Variants in SCAF8 observed in about 807,000 individuals in gnomAD.
SCAF8 encodes SR-related CTD associated factor 8, also known as SR-related and CTD-associated factor 8.
Under a neutral mutation model 140.5 loss-of-function variants are expected in SCAF8, and 23 were observed. The ratio of observed to expected loss-of-function variants is 0.16; its 90% CI spans 0.12 to 0.23. The LOEUF (loss-of-function observed/expected upper bound fraction) is 0.23, where lower values mean the gene tolerates loss of function less well. Among genes scored for constraint, SCAF8 ranks in the 10% least tolerant of loss-of-function variants. SCAF8 has a pLI of 1.00. For synonymous variants in SCAF8, 575 were observed against 528.9 expected (o/e 1.09, Z -1.20); for missense variants, 1,397 against 1,555.7 (o/e 0.90, Z 1.72).
rs116028505 is a variant in SCAF8, at chr6:154,756,939, G to A, written c.31-17050G>A. 2.0e-3 allele frequency among the ~76,000 whole-genome samples: 299 copies of A among 152,226 alleles called. 1 individual carries two copies. The highest frequency in any genetic ancestry group is 6.7e-3 in the African/African-American group (278 of 41,548). On this transcript the variant is annotated intron_variant, in intron 1 of 19. Coordinates refer to ENST00000367178, the MANE Select transcript of SCAF8 (RefSeq NM_014892.5). ...GCTACTCGGGAGGCTGAGGTGGATC[G>A]CTTGAGCCTGGGAGACGGAGGTTGC...
intron 1 of SCAF8, among the ~76,000 whole-genome samples, chr6:154,741,796 A>G (rs1480062793): frequency 6.6e-6 from 1 of 152,224 alleles, no homozygotes; most frequent in African/African-American, 2.4e-5. Context: ...ATCTCTTTCT[A>G]AGGCCAGTTA....
At chr6:154,763,162 C>G (rs1449825359) in intron 1 of SCAF8, among the ~76,000 whole-genome samples, 3 of 152,134 alleles carry the variant, frequency 2.0e-5, no homozygotes, top group Non-Finnish European at 2.9e-5. Flanking sequence ...TTCTCCCCTC[C>G]TCATTCTGCT....
Position 154,832,207 on chromosome 6 carries a change from A to G in SCAF8, c.2628A>G (p.Ile876Met). ...SGLLGVLPPN[I>M]PNNSGLVGVQ... ...TTTTGGGAGTGCTACCCCCAAATATACCTAACAATTCTGGACTTGTAGGAG... is the reference window on the plus strand; with the variant it reads ...TTTTGGGAGTGCTACCCCCAAATATGCCTAACAATTCTGGACTTGTAGGAG... Residue 876 changes from isoleucine (I) to methionine (M), a missense_variant, in exon 20 of 20, where the codon ATA becomes ATG. Transcript: ENST00000367178. The G allele has an allele frequency of 1.2e-6, 2 of 1,614,078 alleles. No individual in the cohort carries two copies. Among genetic ancestry groups the G allele is most frequent in the South Asian group, 2.2e-5 (2 of 91,080 alleles).
In SCAF8 at chr6:154,820,066, A is replaced by G. The variant is rs1778367896; in HGVS notation, c.1636-111A>G. On this transcript the variant is annotated intron_variant, in intron 14 of 19. Coordinates refer to ENST00000367178, the MANE Select transcript of SCAF8 (RefSeq NM_014892.5). ...AGCTTTGCTTTTCCAGCTGTTTTCTAAAACCAATTTTAATGTGTTTACATT... is the reference window on the plus strand; with the variant it reads ...AGCTTTGCTTTTCCAGCTGTTTTCTGAAACCAATTTTAATGTGTTTACATT... 4 of 838,686 alleles carry G rather than the reference A, an allele frequency of 4.8e-6. No individual in the cohort carries two copies. In the African/African-American group the frequency reaches 7.2e-5, roughly 15 times the overall value. 52.0% of individuals were successfully genotyped at this position (838,686 alleles called of 1,614,324 possible).
chr6:154,832,467 A>G lies in SCAF8; in HGVS notation c.2888A>G (p.His963Arg), dbSNP rs201765230. The change falls in exon 20 of 20, where the codon CAT becomes CGT. Residue 963 changes from histidine (H) to arginine (R), a missense_variant. By Grantham distance (29) the His-to-Arg change is conservative. Transcript: ENST00000367178. Reference sequence around the variant, plus strand: ...CCATCGGTACTTGATTCAGCTCTTCATCCACCACCCCGTGGACCTTTTCCT... The same window carrying G: ...CCATCGGTACTTGATTCAGCTCTTCGTCCACCACCCCGTGGACCTTTTCCT... Reference protein sequence around the residue: ...PPPSVLDSALHPPPRGPFPPG... With the variant: ...PPPSVLDSALRPPPRGPFPPG... 2 of 1,614,036 alleles carry G rather than the reference A, an allele frequency of 1.2e-6. No homozygotes were observed. The highest frequency in any genetic ancestry group is 1.7e-6 in the Non-Finnish European group (2 of 1,179,964).
At chr6:154,828,675 A>G (rs972867869) in intron 18 of SCAF8, among the ~76,000 whole-genome samples, 1 of 151,838 alleles carries the variant, frequency 6.6e-6, no homozygotes, top group Non-Finnish European at 1.5e-5. Context: ...AGAATCAGCC[A>G]TTTTTCCAGT....
At chr6:154,815,844 G>A (rs1039674008) in intron 13 of SCAF8, 28 bp downstream of exon 13, 1 of 1,467,028 alleles carries the variant, frequency 6.8e-7, no homozygotes, top group Non-Finnish European at 9.5e-7. Context: ...ATAATTTAAG[G>A]TTTTAAAAAA....
At chr6:154,734,616 A>G (rs1321266858) in intron 1 of SCAF8, among the ~76,000 whole-genome samples, 1 of 152,158 alleles carries the variant, frequency 6.6e-6, no homozygotes, top group Non-Finnish European at 1.5e-5. Context: ...TGGGGGAAAC[A>G]TTTCTCGCTG....
At chr6:154,744,817 T>C (rs1007814160) in intron 1 of SCAF8, among the ~76,000 whole-genome samples, 10 of 152,238 alleles carry the variant, frequency 6.6e-5, no homozygotes, top group Non-Finnish European at 8.8e-5. Flanking sequence ...GTATACTTCA[T>C]CCAGATTTCT....
At chr6:154,785,017 C>A (rs9397747) in intron 3 of SCAF8, among the ~76,000 whole-genome samples, 74,794 of 151,930 alleles carry the variant, frequency 0.49, 19,131 homozygotes, top group East Asian at 0.9. Context: ...TGTGTCACGT[C>A]CTTGCTTGAC....
chr6:154,820,117 A>G (rs541677402), intron 14 of SCAF8, 60 bp from the exon 15 acceptor site: 1 of 1,335,294 alleles, frequency 7.5e-7, no homozygotes, highest in African/African-American at 1.5e-5. Context: ...TGAACTTTTT[A>G]CCTTGTTTTT....
intron 19 of SCAF8, among the ~76,000 whole-genome samples, chr6:154,831,375 T>G (rs1392343736): frequency 6.6e-6 from 1 of 152,090 alleles, no homozygotes; most frequent in African/African-American, 2.4e-5. Flanking sequence ...CACCCCCTTT[T>G]TTTTGTCCTA....
At chr6:154,754,183 T>A (rs1342763670) in intron 1 of SCAF8, among the ~76,000 whole-genome samples, 3 of 152,236 alleles carry the variant, frequency 2.0e-5, no homozygotes, top group Non-Finnish European at 2.9e-5. Flanking sequence ...TTAAATGCAG[T>A]TTATTTAGCT....
Position 154,824,292 on chromosome 6 carries a change from C to T in SCAF8, c.1985C>T (p.Ser662Leu), listed in dbSNP as rs777977910. 3.7e-6 allele frequency: 6 copies of T among 1,613,992 alleles called. No homozygotes were observed. Among genetic ancestry groups the T allele is most frequent in the Middle Eastern group, 1.6e-4 (1 of 6,062 alleles). The change falls in exon 17 of 20, where the codon TCG (serine) becomes TTG (leucine). Residue 662 changes from serine (S) to leucine (L), a missense_variant. Physicochemically the swap from Ser to Leu is moderately radical, Grantham distance 145. Around this residue, in one of 5 missense-constraint regions of SCAF8, gnomAD observed 930 missense variants for 874.6 expected, o/e 1.06. Coordinates refer to ENST00000367178, the MANE Select transcript of SCAF8 (RefSeq NM_014892.5). ...TTAGTCCCACCAGCATTTCCTGTGT[C>T]GATGCCGGTTCCTCCTCCTGGATTC... Reference protein sequence around the residue: ...VSLVPPAFPVSMPVPPPGFSP... With the variant: ...VSLVPPAFPVLMPVPPPGFSP...
chr6:154,786,204 T>G (rs1369846810), intron 3 of SCAF8, among the ~76,000 whole-genome samples: 1 of 151,760 alleles, frequency 6.6e-6, no homozygotes, highest in Non-Finnish European at 1.5e-5. Flanking sequence ...AAGTGGGGAG[T>G]GCTGTTGGTC....
In SCAF8 at chr6:154,734,256, C is replaced by T. The variant is rs368937933; in HGVS notation, c.30+326C>T. On this transcript the variant is annotated intron_variant, in intron 1 of 19. Coordinates refer to ENST00000367178, the MANE Select transcript of SCAF8 (RefSeq NM_014892.5). ...ACAGGTCCCTCGAGGTCAGTTCCGC[C>T]GAGGCCTGGCCCGCCCACCTCCTTC... Among the ~76,000 whole-genome samples, 4 of 152,184 alleles carry T rather than the reference C, an allele frequency of 2.6e-5. No homozygotes were observed. The East Asian group carries it at 7.7e-4, about 29-fold the overall frequency.
chr6:154,786,670 C>A (rs966546661), intron 3 of SCAF8, among the ~76,000 whole-genome samples: 1 of 152,210 alleles, frequency 6.6e-6, no homozygotes, highest in Non-Finnish European at 1.5e-5. Context: ...TAGGTCTGCT[C>A]GCTTTCACTG....
In SCAF8 at chr6:154,827,217, C is replaced by T. The variant is rs775768409; in HGVS notation, c.2117C>T (p.Thr706Met). 1.1e-5 allele frequency: 17 copies of T among 1,604,728 alleles called. No homozygotes were observed. Among genetic ancestry groups the T allele is most frequent in the East Asian group, 2.3e-5 (1 of 44,206 alleles). The change falls in exon 18 of 20, where the codon ACG becomes ATG. Residue 706 changes from threonine to methionine, a missense_variant. Around this residue, in one of 5 missense-constraint regions of SCAF8, gnomAD observed 930 missense variants for 874.6 expected, o/e 1.06. Transcript: ENST00000367178. ...PVPPPVVPPP[T>M]IPPVVPTSLV... ...CCCCCACCTGTTGTGCCACCCCCTA[C>T]GATTCCACCAGTAGTACCAACATGT...
chr6:154,767,062 T>C (rs1405139427), intron 1 of SCAF8, among the ~76,000 whole-genome samples: 1 of 152,128 alleles, frequency 6.6e-6, no homozygotes, highest in Non-Finnish European at 1.5e-5. Flanking sequence ...TTGTCCAGTA[T>C]GAAAAGAATT....
Sources: allele counts gnomAD v4.1 joint callset (sites outside exome capture counted in the v4.1 genomes callset), GRCh38; gene constraint gnomAD v4.1.1; regional missense constraint gnomAD v4.1.1; transcripts MANE v1.5; gene names NCBI Gene and HGNC (gene_info 2026-07-23, HGNC 2026-07-21).